Variants in GSG1L observed in about 807,000 individuals in gnomAD.
The protein encoded by GSG1L is GSG1 like.
In GSG1L, 24 loss-of-function variants were observed where a neutral mutation model predicts 42.1. The ratio of observed to expected loss-of-function variants is 0.57; its 90% CI spans 0.41 to 0.80. The LOEUF is 0.80. Ranked by LOEUF, GSG1L falls within the 30% of genes least tolerant of loss-of-function variation. The pLI is 0.00. For missense variants in GSG1L, 445 were observed against 472.2 expected (o/e 0.94, Z 0.53); for synonymous variants, 215 against 203.5 (o/e 1.06, Z -0.48).
intron 1 of GSG1L, among the ~76,000 whole-genome samples, chr16:28,009,929 G>A (rs757475232): frequency 1.3e-5 from 2 of 152,216 alleles, no homozygotes; most frequent in Non-Finnish European, 2.9e-5. Flanking sequence ...TGACTTTGTG[G>A]AGAAAAATGT....
intron 2 of GSG1L, among the ~76,000 whole-genome samples, chr16:27,886,756 T>C (rs2084035469): frequency 6.6e-6 from 1 of 152,106 alleles, no homozygotes; most frequent in Admixed American, 6.5e-5. Flanking sequence ...CACATCCCCA[T>C]GGCTTGCCTT....
intron 2 of GSG1L, among the ~76,000 whole-genome samples, chr16:27,895,594 G>T (rs188360390): frequency 6.6e-5 from 10 of 152,220 alleles, no homozygotes; most frequent in Non-Finnish European, 1.2e-4. Flanking sequence ...AGAGGAAAAG[G>T]AAAGACATTC....
Position 28,063,429 on chromosome 16 carries a change from C to T in GSG1L, c.-5G>A. ...GCCGCGGCGGCTAGTCTTCATGCCG[C>T]CCGCGCCGCCGGGACGGGACTGCAC... On this transcript the variant is annotated 5_prime_UTR_variant, in exon 1 of 7. Coordinates refer to ENST00000447459, the MANE Select transcript of GSG1L (RefSeq NM_001109763.2). The surrounding 1 kb of genome is among the most constrained non-coding windows in gnomAD (Gnocchi z 5.8). 7.9e-7 allele frequency: 1 copy of T among 1,258,090 alleles called. No individual in the cohort carries two copies. Among genetic ancestry groups the T allele is most frequent in the Non-Finnish European group, 1.0e-6 (1 of 996,974 alleles). The allele number at this position is 1,258,090 out of a possible 1,614,324, so 77.9% of individuals were successfully genotyped here.
chr16:28,027,578 A>G (rs1157066967), intron 1 of GSG1L, among the ~76,000 whole-genome samples: 1 of 152,362 alleles, frequency 6.6e-6, no homozygotes, highest in South Asian at 2.1e-4. Context: ...TAAATTTTAA[A>G]TGGAATAGAG....
intron 3 of GSG1L, among the ~76,000 whole-genome samples, chr16:27,858,048 T>C (rs1252994164): frequency 1.3e-5 from 2 of 152,154 alleles, no homozygotes; most frequent in Non-Finnish European, 2.9e-5. Context: ...CTACCTTCCA[T>C]CCCTCTGGTC....
At chr16:27,997,393 C>T (rs1254290090) in intron 1 of GSG1L, among the ~76,000 whole-genome samples, 1 of 140,208 alleles carries the variant, frequency 7.1e-6, no homozygotes, top group Non-Finnish European at 1.5e-5. Context: ...AACCTCGGCT[C>T]ACTGCAACCT....
At chr16:27,902,499 T>A (rs1376182991) in intron 2 of GSG1L, among the ~76,000 whole-genome samples, 1 of 151,758 alleles carries the variant, frequency 6.6e-6, no homozygotes. Context: ...AGGCTGGCAG[T>A]GCAGACCCCG....
At chr16:27,910,611 G>T (rs1261458982) in intron 2 of GSG1L, among the ~76,000 whole-genome samples, 1 of 152,142 alleles carries the variant, frequency 6.6e-6, no homozygotes, top group Non-Finnish European at 1.5e-5. Context: ...GAACTGCATG[G>T]TTCATGACCC....
rs376723124 is a variant in GSG1L at position 28,022,468 on chromosome 16, A to G, written c.349+40608T>C. ...GCCAGGACTACAGGTACAAGCCACC[A>G]CAACCAGCTAATTTTTTTTTTTTTT... is the stretch of plus-strand genomic sequence containing the variant. On this transcript the variant is annotated intron_variant, in intron 1 of 6. Coordinates refer to ENST00000447459, the MANE Select transcript of GSG1L (RefSeq NM_001109763.2). Among the ~76,000 whole-genome samples the G allele has an allele frequency of 2.3e-3, 337 of 147,436 alleles. 1 individual carries two copies. Among genetic ancestry groups the G allele is most frequent in the African/African-American group, 8.1e-3 (323 of 39,652 alleles).
chr16:28,032,688 T>C (rs1444545839), intron 1 of GSG1L, among the ~76,000 whole-genome samples: 1 of 152,198 alleles, frequency 6.6e-6, no homozygotes, highest in Non-Finnish European at 1.5e-5. Flanking sequence ...CAGTCTTCTC[T>C]ATCTCAGTAA....
intron 2 of GSG1L, among the ~76,000 whole-genome samples, chr16:27,946,992 G>A (rs1438459092): frequency 6.6e-6 from 1 of 152,106 alleles, no homozygotes; most frequent in African/African-American, 2.4e-5. Flanking sequence ...AAGACATGAA[G>A]TCACTAAAAG....
At chr16:28,018,471 T>A (rs1055652638) in intron 1 of GSG1L, among the ~76,000 whole-genome samples, 6 of 152,072 alleles carry the variant, frequency 3.9e-5, no homozygotes, top group Non-Finnish European at 8.8e-5. Flanking sequence ...TGCCCCCACA[T>A]CCTTCCATCA....
Position 27,911,286 on chromosome 16 carries a change from TCTCTCTCTC to T in GSG1L, c.398-26657_398-26649del, listed in dbSNP as rs1382751257. 2.1e-3 allele frequency among the ~76,000 whole-genome samples: 313 copies of T among 150,838 alleles called. 2 individuals are homozygous for T. The highest frequency in any genetic ancestry group is 7.2e-3 in the African/African-American group (294 of 40,896). On this transcript the variant is annotated intron_variant, in intron 2 of 6. Coordinates refer to ENST00000447459, the MANE Select transcript of GSG1L (RefSeq NM_001109763.2). Reference sequence around the variant, plus strand: ...CTCTCGCTCTCTCTCTCTCTCTCTCTCTCTCTCTCCTCTCTCTCTTTTGAGACAGGGTCT... The same window carrying T: ...CTCTCGCTCTCTCTCTCTCTCTCTCTCTCTCTCTCTTTTGAGACAGGGTCT...
chr16:27,868,306 C>T (rs1261244370), intron 3 of GSG1L, among the ~76,000 whole-genome samples: 1 of 152,272 alleles, frequency 6.6e-6, no homozygotes, highest in Non-Finnish European at 1.5e-5. Flanking sequence ...TGATCCCCTT[C>T]TAGAATCCTC....
chr16:27,791,759 C>G (rs1299867564), intron 6 of GSG1L, among the ~76,000 whole-genome samples: 1 of 152,050 alleles, frequency 6.6e-6, no homozygotes, highest in Non-Finnish European at 1.5e-5. Context: ...CACGACTCTG[C>G]TCACACCCTC....
intron 1 of GSG1L, among the ~76,000 whole-genome samples, chr16:28,013,256 C>T (rs2085744574): frequency 1.3e-5 from 2 of 150,976 alleles, no homozygotes. Context: ...AAATATAATA[C>T]ACATGTGGAT....
At chr16:28,026,520 G>T (rs1424355940) in intron 1 of GSG1L, among the ~76,000 whole-genome samples, 1 of 152,128 alleles carries the variant, frequency 6.6e-6, no homozygotes, top group Admixed American at 6.5e-5. Context: ...ACCTCTCAGT[G>T]GCCCTCCATA....
intron 4 of GSG1L, 102 bp downstream of exon 4, chr16:27,844,848 T>TGCCCC: frequency 7.4e-6 from 1 of 135,614 alleles, no homozygotes. Context: ...CCATTTCTCC[T>TGCCCC]CCCCCCCACC....
At position 28,059,727 on chromosome 16, in the gene GSG1L, G is replaced by A. The variant is rs1416053935; in HGVS notation, c.349+3349C>T. On this transcript the variant is annotated intron_variant, in intron 1 of 6. Transcript: ENST00000447459. The surrounding 1 kb of genome is among the most constrained non-coding windows in gnomAD (Gnocchi z 4.4). Reference sequence around the variant, plus strand: ...CCCCTCCCCAGCGTCTCAACCAGAAGAGAAATCCAATTTGTGTGAAGGGCT... The same window carrying A: ...CCCCTCCCCAGCGTCTCAACCAGAAAAGAAATCCAATTTGTGTGAAGGGCT... 1.3e-5 allele frequency among the ~76,000 whole-genome samples: 2 copies of A among 152,130 alleles called. No homozygotes were observed. Among genetic ancestry groups the A allele is most frequent in the Non-Finnish European group, 2.9e-5 (2 of 68,040 alleles).
Sources: allele counts gnomAD v4.1 joint callset (sites outside exome capture counted in the v4.1 genomes callset), GRCh38; gene constraint gnomAD v4.1.1; non-coding constraint Gnocchi (gnomAD v3.1); transcripts MANE v1.5; gene names NCBI Gene and HGNC (gene_info 2026-07-23, HGNC 2026-07-21).